Variants in COL24A1 observed in about 807,000 individuals in gnomAD.
The protein encoded by COL24A1 is collagen type XXIV alpha 1 chain, also known as collagen alpha-1(XXIV) chain.
A neutral mutation model predicts 253.9 loss-of-function variants in COL24A1; 224 were observed. That is an observed-to-expected ratio of 0.88 (90% confidence interval 0.79 to 0.99). The LOEUF is 0.99. Among genes scored for constraint, COL24A1 ranks in the 50% least tolerant of loss-of-function variants. COL24A1 has a pLI of 0.00. For synonymous variants in COL24A1, 685 were observed against 673.7 expected, an observed-to-expected ratio of 1.02 and a Z score of -0.26; for missense variants, 2,131 against 2,068.5, an observed-to-expected ratio of 1.03 and a Z score of -0.59.
chr1:85,961,423 TACTTAAA>T, intron 23 of COL24A1, 130 bp from the exon 24 acceptor site: 1 of 707,268 alleles, frequency 1.4e-6, no homozygotes. Context: ...AAATTTCAGT[TACTTAAA>T]ACTTTGTTAT....
At chr1:85,830,197 C>G (rs796861236) in intron 43 of COL24A1, among the ~76,000 whole-genome samples, 82 of 152,104 alleles carry the variant, frequency 5.4e-4, no homozygotes, top group African/African-American at 7.0e-4. Flanking sequence ...AGGTGTCAGT[C>G]TGCCCCTGCT....
intron 32 of COL24A1, among the ~76,000 whole-genome samples, chr1:85,888,355 A>C (rs2102727737): frequency 6.6e-6 from 1 of 152,278 alleles, no homozygotes; most frequent in South Asian, 2.1e-4. Context: ...TTCTAAGGAT[A>C]AAAATTAAAA....
At chr1:85,810,115 C>T (rs1230800277) in intron 47 of COL24A1, among the ~76,000 whole-genome samples, 4 of 151,952 alleles carry the variant, frequency 2.6e-5, no homozygotes, top group Non-Finnish European at 4.4e-5. Flanking sequence ...AAATAGGGTG[C>T]AGTAAAGAAA....
chr1:86,070,714 C>T (rs1701816732), intron 7 of COL24A1, among the ~76,000 whole-genome samples: 2 of 152,072 alleles, frequency 1.3e-5, no homozygotes, highest in South Asian at 4.1e-4. Flanking sequence ...AAAACTTTTA[C>T]CCTAGAATGG....
intron 18 of COL24A1, among the ~76,000 whole-genome samples, chr1:86,020,154 G>A (rs1697386046): frequency 7.7e-6 from 1 of 129,968 alleles, no homozygotes; most frequent in East Asian, 2.3e-4. Flanking sequence ...TGCAACCTCT[G>A]CCTTCTGGAT....
chr1:86,146,429 C>A (rs566920128), intron 1 of COL24A1, among the ~76,000 whole-genome samples: 21 of 152,054 alleles, frequency 1.4e-4, no homozygotes, highest in African/African-American at 5.1e-4. Flanking sequence ...AAACCTATCT[C>A]ATAAGATTTT....
chr1:86,138,335 A>C (rs531072323), intron 2 of COL24A1, among the ~76,000 whole-genome samples: 2 of 152,246 alleles, frequency 1.3e-5, no homozygotes, highest in South Asian at 4.1e-4. Context: ...CCTTAACTTG[A>C]AGCTAGTGTC....
At chr1:86,011,097 T>A (rs2101143861) in intron 19 of COL24A1, among the ~76,000 whole-genome samples, 1 of 152,292 alleles carries the variant, frequency 6.6e-6, no homozygotes, top group East Asian at 1.9e-4. Context: ...TAGAATAATT[T>A]CTCTAACTTT....
At chr1:86,018,944 C>T (rs1282026668) in intron 18 of COL24A1, among the ~76,000 whole-genome samples, 1 of 152,028 alleles carries the variant, frequency 6.6e-6, no homozygotes, top group Non-Finnish European at 1.5e-5. Context: ...CAGGACATTC[C>T]TTCTTATATC....
intron 47 of COL24A1, 38 bp downstream of exon 47, chr1:85,816,750 T>C: frequency 6.5e-7 from 1 of 1,527,960 alleles, no homozygotes; most frequent in Non-Finnish European, 9.1e-7. Context: ...GACACATGCA[T>C]AGGAAATAAT....
At chr1:85,960,004 T>C (rs1200810298) in intron 24 of COL24A1, among the ~76,000 whole-genome samples, 1 of 152,144 alleles carries the variant, frequency 6.6e-6, no homozygotes, top group Non-Finnish European at 1.5e-5. Flanking sequence ...CCTTGAAACT[T>C]TCCCAGAAAA....
At chr1:86,009,281 A>G (rs4912455) in intron 19 of COL24A1, among the ~76,000 whole-genome samples, 12,767 of 152,236 alleles carry the variant, frequency 0.084, 658 homozygotes, top group Middle Eastern at 0.19. Flanking sequence ...GATGGAATAG[A>G]AAATAAAGTA....
rs145952404 is a variant in COL24A1, at chr1:85,850,420, A to G, written c.3301-1014T>C. Among the ~76,000 whole-genome samples the G allele has an allele frequency of 9.2e-5, 14 of 152,310 alleles. No individual in the cohort carries two copies. The East Asian group carries it at 2.7e-3, about 29-fold the overall frequency. The stretch of plus-strand genomic sequence containing the variant: ...TGAACGAATAAACAGATACCTAAGG[A>G]AATGACTCATACCCTATGCTCCTGA... On this transcript the variant is annotated intron_variant, in intron 37 of 59. Coordinates refer to ENST00000370571, the MANE Select transcript of COL24A1 (RefSeq NM_152890.7).
chr1:85,907,754 TTTATTA>T (rs1278163356), intron 27 of COL24A1, among the ~76,000 whole-genome samples: 1 of 151,782 alleles, frequency 6.6e-6, no homozygotes, highest in Non-Finnish European at 1.5e-5. Context: ...TAAGTTGCTA[TTTATTA>T]TTAAGTCAAT....
At chr1:86,117,670 T>C (rs1706283825) in intron 3 of COL24A1, among the ~76,000 whole-genome samples, 1 of 152,222 alleles carries the variant, frequency 6.6e-6, no homozygotes, top group Non-Finnish European at 1.5e-5. Flanking sequence ...CAACATAGTA[T>C]TAATAGGCAT....
intron 2 of COL24A1, among the ~76,000 whole-genome samples, chr1:86,128,622 G>C (rs1179393320): frequency 6.6e-6 from 1 of 151,834 alleles, no homozygotes; most frequent in African/African-American, 2.4e-5. Flanking sequence ...ATATCATTGG[G>C]AGGAGTATTA....
intron 24 of COL24A1, among the ~76,000 whole-genome samples, chr1:85,948,480 C>T (rs918035621): frequency 7.2e-6 from 1 of 139,278 alleles, no homozygotes; most frequent in Non-Finnish European, 1.5e-5. Context: ...GCCGAGATCG[C>T]GCCACTGCAC....
intron 43 of COL24A1, among the ~76,000 whole-genome samples, chr1:85,832,531 CA>C: frequency 6.6e-6 from 1 of 150,954 alleles, no homozygotes. Context: ...TGGCCATTTT[CA>C]CGATATTGAT....
Position 85,975,564 on chromosome 1 carries a change from T to C in COL24A1, c.2365-4171A>G, listed in dbSNP as rs145306937. ...CTCATATGTGGAAGCTAAAAAAAAATTGATCTCATGGAGATAGAGAATAAA... is the reference window on the plus strand; with the variant it reads ...CTCATATGTGGAAGCTAAAAAAAAACTGATCTCATGGAGATAGAGAATAAA... On this transcript the variant is annotated intron_variant, in intron 20 of 59. Transcript: ENST00000370571. Among the ~76,000 whole-genome samples the C allele has an allele frequency of 1.3e-5, 2 of 152,110 alleles. 1 individual carries two copies. The highest frequency in any genetic ancestry group is 2.9e-5 in the Non-Finnish European group (2 of 67,956).
Sources: gnomAD v4.1 joint callset for allele counts (sites outside exome capture counted in the v4.1 genomes callset) on GRCh38, gnomAD v4.1.1 for gene constraint, MANE v1.5 for transcripts, NCBI Gene and HGNC (gene_info 2026-07-23, HGNC 2026-07-21) for gene names.